The following TP53BP1 variants were observed in gnomAD, a reference collection of about 807,000 sequenced individuals.
TP53BP1 encodes tumor protein p53 binding protein 1.
Under a neutral mutation model 200.8 loss-of-function variants are expected in TP53BP1, and 61 were observed. The ratio of observed to expected loss-of-function variants is 0.30; its 90% confidence interval spans 0.25 to 0.38. TP53BP1 has a LOEUF of 0.38. Among genes scored for constraint, TP53BP1 ranks in the 10% least tolerant of loss-of-function variants. The pLI is 1.00. For synonymous variants in TP53BP1, 822 were observed against 844.3 expected, an observed-to-expected ratio of 0.97 and a Z score of 0.46; for missense variants, 2,144 against 2,371.9, an observed-to-expected ratio of 0.90 and a Z score of 2.00.
chr15:43,507,146 T>C (rs937860250), intron 1 of TP53BP1, among the ~76,000 whole-genome samples: 1 of 152,130 alleles, frequency 6.6e-6, no homozygotes, highest in African/African-American at 2.4e-5. Flanking sequence ...TTCTCTTTTT[T>C]TTTTTTGAGA....
intron 4 of TP53BP1, among the ~76,000 whole-genome samples, chr15:43,486,362 C>A (rs1033277890): frequency 5.9e-5 from 9 of 151,930 alleles, no homozygotes; most frequent in Admixed American, 3.3e-4. Context: ...GCAACAAGAG[C>A]GAAACTCGGT....
At position 43,500,356 on chromosome 15, in the gene TP53BP1, C is replaced by T. The variant is rs35828004; in HGVS notation, c.-8-7888G>A. On this transcript the variant is annotated intron_variant, in intron 1 of 27. Transcript: ENST00000263801. Reference sequence around the variant, plus strand: ...AAAGCTATGTACTTATATAATACACCTTCAACAATTAGCAACAAATGCTCA... The same window carrying T: ...AAAGCTATGTACTTATATAATACACTTTCAACAATTAGCAACAAATGCTCA... 7.3e-3 allele frequency among the ~76,000 whole-genome samples: 1,107 copies of T among 152,008 alleles called. 12 individuals are homozygous for T. The highest frequency in any genetic ancestry group is 0.012 in the Non-Finnish European group (790 of 67,960).
chr15:43,420,286 A>G lies in TP53BP1; in HGVS notation c.4681+19T>C, dbSNP rs1566920640. 6.2e-7 allele frequency: 1 copy of G among 1,605,898 alleles called. No individual in the cohort carries two copies. The highest frequency in any genetic ancestry group is 1.1e-5 in the South Asian group (1 of 90,540). ...CCAAGGCACAAAAAAATCTCTACAA[A>G]CTCTGCTTCTTTCATTACCTGCACT... On this transcript the variant is annotated intron_variant, in intron 21 of 27. Coordinates refer to ENST00000382044, the MANE Select transcript of TP53BP1 (RefSeq NM_001141980.3).
intron 4 of TP53BP1, among the ~76,000 whole-genome samples, chr15:43,486,927 A>G (rs1006275137): frequency 6.6e-6 from 1 of 152,210 alleles, no homozygotes; most frequent in Non-Finnish European, 1.5e-5. Flanking sequence ...CACCCGGCCT[A>G]TAAGCCCTTT....
chr15:43,447,541 CAG>C (rs963596999), intron 12 of TP53BP1, 56 bp from the exon 13 acceptor site: 76 of 1,357,158 alleles, frequency 5.6e-5, no homozygotes, highest in Admixed American at 8.4e-5. Flanking sequence ...TTAAAAAAAA[CAG>C]AAGTATAAAA....
chr15:43,479,193 A>G (rs1452166001), intron 7 of TP53BP1, among the ~76,000 whole-genome samples: 2 of 152,154 alleles, frequency 1.3e-5, no homozygotes, highest in Admixed American at 1.3e-4. Context: ...CTTTGTTTCA[A>G]ACAGACAGAC....
At chr15:43,506,595 T>A (rs1438777119) in intron 1 of TP53BP1, among the ~76,000 whole-genome samples, 2 of 152,214 alleles carry the variant, frequency 1.3e-5, no homozygotes, top group African/African-American at 4.8e-5. Context: ...TTCAAAAGCA[T>A]TGGTGTGCCA....
Position 43,404,747 on chromosome 15 carries a change from T to C in TP53BP1, c.*2636A>G. 2 of 639,508 alleles carry C rather than the reference T, an allele frequency of 3.1e-6. No individual in the cohort carries two copies. The highest frequency in any genetic ancestry group is 4.4e-4 in the Middle Eastern group (1 of 2,266). The allele number at this position is 639,508 out of a possible 1,614,324, so 39.6% of individuals were successfully genotyped here. ...AGTAGAAGTCATCATCATCATAAAATACTAAAAAACCTGACAGTGAGATAG... is the reference window on the plus strand; with the variant it reads ...AGTAGAAGTCATCATCATCATAAAACACTAAAAAACCTGACAGTGAGATAG... On this transcript the variant is annotated 3_prime_UTR_variant, in exon 28 of 28. Coordinates refer to ENST00000382044, the MANE Select transcript of TP53BP1 (RefSeq NM_001141980.3).
intron 12 of TP53BP1, among the ~76,000 whole-genome samples, chr15:43,452,609 G>C (rs533171521): frequency 4.0e-4 from 58 of 145,396 alleles, no homozygotes; most frequent in African/African-American, 1.6e-3. Flanking sequence ...CTCCCTTCAT[G>C]TTCTAATTTG....
At chr15:43,427,581 T>C (rs1040060909) in intron 18 of TP53BP1, among the ~76,000 whole-genome samples, 7 of 152,170 alleles carry the variant, frequency 4.6e-5, no homozygotes, top group South Asian at 2.1e-4. Flanking sequence ...CTTCTATCTC[T>C]GGTAATAAAA....
chr15:43,403,193 C>T lies in TP53BP1; in HGVS notation c.*4190G>A, dbSNP rs2044728975. 1 of 151,724 alleles carries T rather than the reference C, an allele frequency of 6.6e-6. No individual in the cohort carries two copies. The highest frequency in any genetic ancestry group is 1.5e-5 in the Non-Finnish European group (1 of 67,930). 9.4% of individuals were successfully genotyped at this position (151,724 alleles called of 1,614,324 possible). A position where few individuals can be genotyped will look rare whatever the true frequency, so the allele number is the denominator to read the frequency against. On this transcript the variant is annotated 3_prime_UTR_variant, in exon 28 of 28. Coordinates refer to ENST00000382044, the MANE Select transcript of TP53BP1 (RefSeq NM_001141980.3). ...AAAACAAGACATATATATATATATA[C>T]ATACAAAAATCAGTAACAACACAGA...
chr15:43,408,941 C>G lies in TP53BP1; in HGVS notation c.5556G>C (p.Leu1852=), dbSNP rs151152248. The change falls in exon 26 of 28, where the codon CTG becomes CTC. Residue 1852 remains leucine (L), a synonymous_variant. Transcript: ENST00000382044. ...CCTCAAGGCTGTACCCAGCTGGCAA[C>G]AGATAATTACGGTAGTTCTGGAGCT... is the stretch of plus-strand genomic sequence containing the variant. The part of the protein sequence containing the change: ...ANQLQNYRNY[L]LPAGYSLEEQ... The G allele has an allele frequency of 1.9e-6, 3 of 1,614,218 alleles. No individual in the cohort carries two copies. The highest frequency in any genetic ancestry group is 2.5e-6 in the Non-Finnish European group (3 of 1,180,044).
rs780731611 is a variant in TP53BP1 at position 43,446,484 on chromosome 15, C to T, written c.2943G>A (p.Gly981=). 1 of 1,614,114 alleles carries T rather than the reference C, an allele frequency of 6.2e-7. No individual in the cohort carries two copies. Residue 981 remains glycine (G), a synonymous_variant, in exon 14 of 28, where the codon GGG becomes GGA. Coordinates refer to ENST00000382044, the MANE Select transcript of TP53BP1 (RefSeq NM_001141980.3). Reference sequence around the variant, plus strand: ...ATTTATCATCCACGTCTGGGGCAGCCCCAGAATCCCCTTTTCCACTCCCAA... The same window carrying T: ...ATTTATCATCCACGTCTGGGGCAGCTCCAGAATCCCCTTTTCCACTCCCAA... ...PILGSGKGDS[G]AAPDVDDKLC...
rs772837974 is a variant in TP53BP1, at chr15:43,432,545, A to C, written c.3324T>G (p.Ala1108=). Residue 1108 remains alanine, a synonymous_variant, in exon 17 of 28, where the codon GCT becomes GCG. Coordinates refer to ENST00000382044, the MANE Select transcript of TP53BP1 (RefSeq NM_001141980.3). ...ISPVKDPVSP[A]SQKMVIQGPS... ...GCCCTTGTATGACCATCTTCTGGGA[A>C]GCAGGAGAAACAGGGTCCTTGACAG... The C allele has an allele frequency of 1.2e-6, 2 of 1,614,166 alleles. No individual in the cohort carries two copies. Among genetic ancestry groups the C allele is most frequent in the South Asian group, 2.2e-5 (2 of 91,078 alleles).
chr15:43,421,819 G>C (rs2045407206), intron 19 of TP53BP1, 36 bp downstream of exon 19: 4 of 1,610,990 alleles, frequency 2.5e-6, no homozygotes, highest in Non-Finnish European at 3.4e-6. Context: ...CCCTGCCCCT[G>C]CTGTGGCTCT....
chr15:43,510,431 C>T (rs1279366086), exon 1 of TP53BP1: 1 of 154,390 alleles, frequency 6.5e-6, no homozygotes, highest in African/African-American at 2.4e-5. Flanking sequence ...TTCCAGAGCA[C>T]TCCCAGGGCC....
At chr15:43,459,693 T>C (rs2143011906) in intron 11 of TP53BP1, among the ~76,000 whole-genome samples, 1 of 152,080 alleles carries the variant, frequency 6.6e-6, no homozygotes, top group Admixed American at 6.5e-5. Flanking sequence ...AAGACAAGGC[T>C]TCACTCTGTT....
At chr15:43,435,987 C>A (rs2045788044) in intron 16 of TP53BP1, among the ~76,000 whole-genome samples, 1 of 151,738 alleles carries the variant, frequency 6.6e-6, no homozygotes, top group South Asian at 2.1e-4. Context: ...TGAGCCACCC[C>A]ATCCAGTCTT....
intron 18 of TP53BP1, 35 bp downstream of exon 18, chr15:43,427,981 A>C: frequency 1.4e-6 from 2 of 1,454,994 alleles, no homozygotes; most frequent in Non-Finnish European, 9.2e-7. Flanking sequence ...AAAGAAAGAA[A>C]GAAATTTGCC....
Sources: allele counts gnomAD v4.1 joint callset (sites outside exome capture counted in the v4.1 genomes callset), GRCh38; gene constraint gnomAD v4.1.1; transcripts MANE v1.5; gene names NCBI Gene and HGNC (gene_info 2026-07-23, HGNC 2026-07-21).